Variants in KCNN2 observed in about 807,000 individuals in gnomAD.
KCNN2 encodes potassium calcium-activated channel subfamily N member 2.
In KCNN2, 24 loss-of-function variants were observed where a neutral mutation model predicts 55.5. That is an observed-to-expected ratio of 0.43 (90% CI 0.31 to 0.61). The LOEUF is 0.61. Ranked by LOEUF, KCNN2 falls within the 20% of genes least tolerant of loss-of-function variation. The probability of loss-of-function intolerance (pLI) is 0.08; values close to 1 mark genes in which losing one functional copy is unlikely to be tolerated. For missense variants in KCNN2, 754 were observed against 853.6 expected (o/e 0.88, Z 1.45); for synonymous variants, 431 against 336.1 (o/e 1.28, Z -3.09).
At chr5:114,152,772 G>A (rs764584973) in intron 1 of KCNN2, among the ~76,000 whole-genome samples, 2 of 152,164 alleles carry the variant, frequency 1.3e-5, no homozygotes, top group Non-Finnish European at 2.9e-5. Flanking sequence ...CTCATAGGGA[G>A]AGGAGAGGAA....
intron 2 of KCNN2, among the ~76,000 whole-genome samples, chr5:114,334,189 A>C (rs1162575905): frequency 6.6e-6 from 1 of 152,080 alleles, no homozygotes; most frequent in Non-Finnish European, 1.5e-5. Flanking sequence ...TCTCAAATTA[A>C]GAAAGCTAAC....
intron 3 of KCNN2, among the ~76,000 whole-genome samples, chr5:114,457,739 GCT>G (rs1760997371): frequency 6.6e-6 from 1 of 152,134 alleles, no homozygotes; most frequent in African/African-American, 2.4e-5. Context: ...TGGATTTCCA[GCT>G]CTGTCCTTCA....
chr5:114,143,011 G>A (rs1752318469), intron 1 of KCNN2, among the ~76,000 whole-genome samples: 1 of 152,126 alleles, frequency 6.6e-6, no homozygotes, highest in Non-Finnish European at 1.5e-5. Context: ...CTTTTTCCCA[G>A]GTGGATTGAC....
intron 5 of KCNN2, among the ~76,000 whole-genome samples, chr5:114,486,313 C>T (rs1404382555): frequency 1.3e-5 from 2 of 152,182 alleles, no homozygotes; most frequent in Non-Finnish European, 2.9e-5. Flanking sequence ...TCTGCCCTTG[C>T]TGGCCCTTTA....
chr5:114,283,398 T>C (rs1246093140), intron 2 of KCNN2, among the ~76,000 whole-genome samples: 1 of 152,206 alleles, frequency 6.6e-6, no homozygotes, highest in Non-Finnish European at 1.5e-5. Flanking sequence ...TTTTTGAATC[T>C]TCAGTATCAC....
intron 2 of KCNN2, among the ~76,000 whole-genome samples, chr5:114,337,601 G>C (rs908420834): frequency 2.6e-5 from 4 of 152,172 alleles, no homozygotes; most frequent in Non-Finnish European, 4.4e-5. Context: ...CAAAGTTCAA[G>C]AATGTAGCCA....
At chr5:114,071,636 G>A (rs182663348) in intron 1 of KCNN2, among the ~76,000 whole-genome samples, 1 of 152,248 alleles carries the variant, frequency 6.6e-6, no homozygotes, top group Admixed American at 6.5e-5. Context: ...CAGAATATAT[G>A]TATCACATTT....
chr5:114,085,359 A>G (rs1561468865), intron 1 of KCNN2, among the ~76,000 whole-genome samples: 1 of 151,886 alleles, frequency 6.6e-6, no homozygotes, highest in Non-Finnish European at 1.5e-5. Flanking sequence ...TATATCTTTA[A>G]TTGCTCTCAC....
intron 2 of KCNN2, among the ~76,000 whole-genome samples, chr5:114,249,561 A>G (rs773262343): frequency 6.6e-6 from 1 of 152,074 alleles, no homozygotes; most frequent in Non-Finnish European, 1.5e-5. Flanking sequence ...TGCTGGGGTT[A>G]CAGGCATGAG....
intron 1 of KCNN2, among the ~76,000 whole-genome samples, chr5:114,187,059 A>G (rs2112558778): frequency 6.6e-6 from 1 of 152,342 alleles, no homozygotes; most frequent in Non-Finnish European, 1.5e-5. Context: ...GGTTTACTTT[A>G]GAAACGTAAG....
chr5:114,109,316 G>A (rs530568321), intron 1 of KCNN2, among the ~76,000 whole-genome samples: 1 of 152,180 alleles, frequency 6.6e-6, no homozygotes, highest in Admixed American at 6.5e-5. Flanking sequence ...TTAAGGTCTG[G>A]CAGCAGGGTA....
chr5:114,291,452 T>A (rs1755885515), intron 2 of KCNN2, among the ~76,000 whole-genome samples: 1 of 151,530 alleles, frequency 6.6e-6, no homozygotes, highest in Non-Finnish European at 1.5e-5. Context: ...CGGTTTTTTG[T>A]CCTTGCAATA....
chr5:114,484,389 T>G (rs1762361253), intron 5 of KCNN2, among the ~76,000 whole-genome samples: 1 of 152,168 alleles, frequency 6.6e-6, no homozygotes, highest in African/African-American at 2.4e-5. Flanking sequence ...TGGGTGATTA[T>G]TACACTAAAA....
intron 2 of KCNN2, among the ~76,000 whole-genome samples, chr5:114,390,734 G>A (rs1030969987): frequency 1.3e-5 from 2 of 152,102 alleles, no homozygotes; most frequent in Admixed American, 6.6e-5. Flanking sequence ...TTTCTGTGAT[G>A]TCAGTTCTGT....
At chr5:114,370,947 G>A (rs1561591633) in intron 2 of KCNN2, among the ~76,000 whole-genome samples, 1 of 137,612 alleles carries the variant, frequency 7.3e-6, no homozygotes, top group Admixed American at 7.4e-5. Context: ...ATACTATTAG[G>A]TAGTTGTTGG....
chr5:114,467,694 C>T (rs1045566215), intron 4 of KCNN2, among the ~76,000 whole-genome samples: 2 of 151,910 alleles, frequency 1.3e-5, no homozygotes, highest in Non-Finnish European at 2.9e-5. Context: ...ATAAGTGGAT[C>T]GCAAAAAAAT....
intron 2 of KCNN2, among the ~76,000 whole-genome samples, chr5:114,227,967 G>T (rs1171598905): frequency 1.3e-5 from 2 of 151,940 alleles, no homozygotes; most frequent in African/African-American, 4.8e-5. Context: ...TGCCTACTGT[G>T]TGCCAAACAA....
In KCNN2 at chr5:114,162,893, C is replaced by T. The variant is rs974108691; in HGVS notation, c.-270-58587C>T. On this transcript the variant is annotated intron_variant, in intron 1 of 10. Transcript: ENST00000512097. ...GGGAGCGACCTGATTTTCCAGGTGC[C>T]GTCTGTCACCCCTTTCCTTGACTAG... Among the ~76,000 whole-genome samples the T allele has an allele frequency of 3.0e-4, 46 of 152,220 alleles. 1 individual carries two copies. Among genetic ancestry groups the T allele is most frequent in the Non-Finnish European group, 4.7e-4 (32 of 68,014 alleles).
intron 1 of KCNN2, among the ~76,000 whole-genome samples, chr5:114,138,555 G>A (rs904095667): frequency 6.6e-6 from 1 of 152,104 alleles, no homozygotes; most frequent in Non-Finnish European, 1.5e-5. Context: ...CCAAATCTCT[G>A]TTTCTCTTTG....
Sources: allele counts gnomAD v4.1 joint callset (sites outside exome capture counted in the v4.1 genomes callset), GRCh38; gene constraint gnomAD v4.1.1; transcripts MANE v1.5; gene names NCBI Gene and HGNC (gene_info 2026-07-23, HGNC 2026-07-21).